Variants in ANAPC10 observed in about 807,000 individuals in gnomAD.
ANAPC10 encodes anaphase promoting complex subunit 10, also known as anaphase-promoting complex subunit 10.
In ANAPC10, 12 loss-of-function variants were observed where a neutral mutation model predicts 22.0. The observed-to-expected ratio is 0.55, with a 90% CI of 0.35 to 0.88. ANAPC10 has a LOEUF of 0.88. ANAPC10 is among the 40% of genes least tolerant of loss of function. ANAPC10 has a pLI of 0.01. For synonymous variants in ANAPC10, 65 were observed against 69.5 expected, an observed-to-expected ratio of 0.94 and a Z score of 0.32; for missense variants, 188 against 220.9, an observed-to-expected ratio of 0.85 and a Z score of 0.94.
At chr4:145,089,073 G>A (rs1747298158) in intron 2 of ANAPC10, among the ~76,000 whole-genome samples, 1 of 152,050 alleles carries the variant, frequency 6.6e-6, no homozygotes, top group Non-Finnish European at 1.5e-5. Context: ...TTATAAAAGA[G>A]GCCTTCCATA....
At chr4:145,011,916 T>C (rs1332039246) in intron 4 of ANAPC10, among the ~76,000 whole-genome samples, 1 of 151,940 alleles carries the variant, frequency 6.6e-6, no homozygotes, top group African/African-American at 2.4e-5. Context: ...AATACCAGGC[T>C]CCTAGTTGAA....
intron 2 of ANAPC10, among the ~76,000 whole-genome samples, chr4:145,084,890 T>A (rs142917169): frequency 9.5e-4 from 145 of 152,314 alleles, no homozygotes; most frequent in African/African-American, 3.4e-3. Flanking sequence ...TTACAATTAA[T>A]TTCACCTATT....
intron 4 of ANAPC10, among the ~76,000 whole-genome samples, chr4:145,051,492 T>G (rs1290695043): frequency 1.4e-4 from 21 of 152,186 alleles, no homozygotes; most frequent in Admixed American, 1.2e-3. Context: ...GCCAATAGAC[T>G]TCCTTGACAC....
chr4:145,004,745 G>A (rs966873311), intron 4 of ANAPC10, among the ~76,000 whole-genome samples: 1 of 152,118 alleles, frequency 6.6e-6, no homozygotes, highest in African/African-American at 2.4e-5. Flanking sequence ...GATTCAGTTT[G>A]CTAGTATTTT....
chr4:145,038,192 T>C (rs1275066614), intron 4 of ANAPC10, among the ~76,000 whole-genome samples: 3 of 151,746 alleles, frequency 2.0e-5, no homozygotes, highest in Non-Finnish European at 4.4e-5. Context: ...AAATAATAGA[T>C]AAAAGGTCAT....
At chr4:145,049,931 C>G (rs572883995) in intron 4 of ANAPC10, among the ~76,000 whole-genome samples, 14 of 152,280 alleles carry the variant, frequency 9.2e-5, no homozygotes, top group Non-Finnish European at 1.2e-4. Flanking sequence ...TCCAATGAAG[C>G]CTTCAGACCC....
At chr4:145,072,245 C>A (rs1004530308) in intron 3 of ANAPC10, among the ~76,000 whole-genome samples, 26 of 152,288 alleles carry the variant, frequency 1.7e-4, no homozygotes, top group African/African-American at 6.3e-4. Flanking sequence ...ACCAAGTTCT[C>A]ATCCAGAGCA....
At chr4:145,024,792 C>T (rs529267799) in intron 4 of ANAPC10, among the ~76,000 whole-genome samples, 1 of 152,250 alleles carries the variant, frequency 6.6e-6, no homozygotes, top group Non-Finnish European at 1.5e-5. Context: ...TGCATCAGCC[C>T]CTAACAAAAT....
intron 4 of ANAPC10, among the ~76,000 whole-genome samples, chr4:145,030,358 T>C (rs961378710): frequency 1.4e-4 from 22 of 152,156 alleles, no homozygotes; most frequent in African/African-American, 5.3e-4. Context: ...CAACAATTTA[T>C]ACAGTGAATC....
At chr4:145,048,475 T>C (rs192824447) in intron 4 of ANAPC10, among the ~76,000 whole-genome samples, 104 of 152,298 alleles carry the variant, frequency 6.8e-4, no homozygotes, top group East Asian at 2.9e-3. Context: ...TGACACAGTA[T>C]AGAGATTCTT....
chr4:145,077,781 C>T (rs1418328737), intron 3 of ANAPC10, among the ~76,000 whole-genome samples: 8 of 152,134 alleles, frequency 5.3e-5, no homozygotes, highest in Non-Finnish European at 1.0e-4. Context: ...ACCACATCAT[C>T]ATCTCAAGAG....
intron 4 of ANAPC10, among the ~76,000 whole-genome samples, chr4:145,006,177 C>T (rs1375387002): frequency 6.6e-6 from 1 of 151,322 alleles, no homozygotes; most frequent in East Asian, 1.9e-4. Context: ...AAGTCCTCTT[C>T]TTGAATTGAG....
intron 4 of ANAPC10, among the ~76,000 whole-genome samples, chr4:145,021,981 C>G (rs960315972): frequency 6.6e-6 from 1 of 152,180 alleles, no homozygotes; most frequent in African/African-American, 2.4e-5. Context: ...CACCTTACTT[C>G]TGCAGGAATG....
chr4:145,000,575 T>C (rs533856367), intron 4 of ANAPC10, among the ~76,000 whole-genome samples: 16 of 152,166 alleles, frequency 1.1e-4, no homozygotes, highest in African/African-American at 2.4e-4. Flanking sequence ...TGTGGAGAAA[T>C]AGGAACACTT....
At chr4:145,030,131 G>A (rs1737339166) in intron 4 of ANAPC10, among the ~76,000 whole-genome samples, 1 of 151,600 alleles carries the variant, frequency 6.6e-6, no homozygotes, top group African/African-American at 2.4e-5. Context: ...ATTAATCATG[G>A]TGTTCCTAGA....
chr4:145,043,201 G>A (rs1446126147), intron 4 of ANAPC10, among the ~76,000 whole-genome samples: 1 of 151,816 alleles, frequency 6.6e-6, no homozygotes, highest in Admixed American at 6.6e-5. Flanking sequence ...AAAGAGGCAG[G>A]ATTCAGTATA....
intron 4 of ANAPC10, among the ~76,000 whole-genome samples, chr4:145,006,853 C>T (rs1192056315): frequency 1.3e-5 from 2 of 152,050 alleles, no homozygotes; most frequent in African/African-American, 4.8e-5. Flanking sequence ...ACCTCTCTCA[C>T]TTCTCCCTTG....
chr4:145,087,625 G>C (rs1486820177), intron 2 of ANAPC10, among the ~76,000 whole-genome samples: 1 of 152,144 alleles, frequency 6.6e-6, no homozygotes, highest in Non-Finnish European at 1.5e-5. Context: ...AGTAACAGTA[G>C]TAACATTTCA....
At chr4:144,996,301 T>A (rs1487113029) in intron 4 of ANAPC10, among the ~76,000 whole-genome samples, 1 of 152,184 alleles carries the variant, frequency 6.6e-6, no homozygotes, top group Non-Finnish European at 1.5e-5. Context: ...AAAGAGACGT[T>A]ACTCCAGAAA....
Sources: allele counts gnomAD v4.1 joint callset (sites outside exome capture counted in the v4.1 genomes callset), GRCh38; gene constraint gnomAD v4.1.1; transcripts MANE v1.5; gene names NCBI Gene and HGNC (gene_info 2026-07-23, HGNC 2026-07-21).